IDS: variants seen among roughly 807,000 people sequenced by gnomAD.
IDS encodes alpha-L-iduronate sulfate sulfatase.
IDS carries 1 observed loss-of-function variant against 33.5 expected under a neutral mutation model. The ratio of observed to expected loss-of-function variants is 0.03; its 90% CI spans 0.01 to 0.14. The LOEUF is 0.14. Ranked by LOEUF, IDS falls within the 10% of genes least tolerant of loss-of-function variation. IDS has a pLI of 1.00. For synonymous variants in IDS, 191 were observed against 184.4 expected (o/e 1.04, Z -0.29); for missense variants, 328 against 448.0 (o/e 0.73, Z 2.42).
rs1283525730 is a variant in IDS at position 149,478,479 on chromosome X, A to G, written c.*4267T>C. ...TACAGCTGTTAATCAAGAACTGTCA[A>G]TGACATAAAAAACCAAGCTAACATT... is the stretch of plus-strand genomic sequence containing the variant. On this transcript the variant is annotated 3_prime_UTR_variant, in exon 9 of 9. Coordinates refer to ENST00000340855, the MANE Select transcript of IDS (RefSeq NM_000202.8). 8.9e-6 allele frequency: 1 copy of G among 112,846 alleles called. No individual in the cohort carries two copies. The highest frequency in any genetic ancestry group is 9.3e-5 in the Admixed American group (1 of 10,729). The allele number at this position is 112,846 out of a possible 1,213,427, so 9.3% of individuals were successfully genotyped here. A position where few individuals can be genotyped will look rare whatever the true frequency, so the allele number is the denominator to read the frequency against.
At chrX:149,502,131 A>T (rs1370523267) in intron 3 of IDS, 1 of 329,215 alleles carries the variant, frequency 3.0e-6, no homozygotes, top group African/African-American at 2.6e-5. Flanking sequence ...TAACAGAAAA[A>T]GGTCTTGAGA....
intron 6 of IDS, among the ~76,000 whole-genome samples, chrX:149,494,186 C>T (rs1398074836): frequency 7.2e-5 from 8 of 111,190 alleles, no homozygotes; most frequent in African/African-American, 2.6e-4. Flanking sequence ...GAGTGTCTGA[C>T]GATAAAGGTA....
intron 1 of IDS, 70 bp downstream of exon 1, chrX:149,504,965 G>GGAAAGAA: frequency 1.3e-6 from 1 of 790,114 alleles, no homozygotes; most frequent in Non-Finnish European, 1.9e-6. Context: ...AAAGAAGGAA[G>GGAAAGAA]GAAAGAAGGA....
In IDS at chrX:149,484,530, C is replaced by G. The variant is rs782275146; in HGVS notation, c.1181-1312G>C. Among the ~76,000 whole-genome samples the G allele has an allele frequency of 3.6e-5, 4 of 112,585 alleles. No homozygotes were observed. The South Asian group carries it at 1.5e-3, about 41-fold the overall frequency. On this transcript the variant is annotated intron_variant, in intron 8 of 8. Transcript: ENST00000340855. Reference sequence around the variant, plus strand: ...AGAGATGGGGTTTCTCCTTGTTGGCCAGGATGGTCTTGATCTCCTGACCTC... The same window carrying G: ...AGAGATGGGGTTTCTCCTTGTTGGCGAGGATGGTCTTGATCTCCTGACCTC...
intron 4 of IDS, 87 bp downstream of exon 4, chrX:149,500,862 C>T: frequency 1.6e-6 from 1 of 618,357 alleles, no homozygotes; most frequent in East Asian, 3.2e-5. Flanking sequence ...ATATAACCAG[C>T]TTCACAGAAC....
At chrX:149,489,327 G>A (rs2089368897) in intron 7 of IDS, among the ~76,000 whole-genome samples, 1 of 112,345 alleles carries the variant, frequency 8.9e-6, no homozygotes. Context: ...CACAGAACAA[G>A]CAATCACATC....
chrX:149,500,895 T>C lies in IDS; in HGVS notation c.507+54A>G, dbSNP rs1448670292. ...AACATGCAGTATACCCAGTAGTTTATGTGACAAAGGAAAAAGTGGTTCCTC... is the reference window on the plus strand; with the variant it reads ...AACATGCAGTATACCCAGTAGTTTACGTGACAAAGGAAAAAGTGGTTCCTC... On this transcript the variant is annotated intron_variant, in intron 4 of 8. Coordinates refer to ENST00000340855, the MANE Select transcript of IDS (RefSeq NM_000202.8). 6 of 757,629 alleles carry C rather than the reference T, an allele frequency of 7.9e-6. No individual in the cohort carries two copies. The African/African-American group carries it at 8.2e-5, about 10-fold the overall frequency. 62.4% of individuals were successfully genotyped at this position (757,629 alleles called of 1,213,427 possible). A position where few individuals can be genotyped will look rare whatever the true frequency, so the allele number is the denominator to read the frequency against.
At chrX:149,484,367 A>G (rs782062518) in intron 8 of IDS, among the ~76,000 whole-genome samples, 1 of 112,306 alleles carries the variant, frequency 8.9e-6, no homozygotes, top group South Asian at 3.7e-4. Flanking sequence ...TCCAGGATGG[A>G]GTTCAGTGGC....
At chrX:149,491,064 G>A (rs144578042) in intron 6 of IDS, among the ~76,000 whole-genome samples, 30 of 112,011 alleles carry the variant, frequency 2.7e-4, no homozygotes, top group African/African-American at 8.1e-4. Flanking sequence ...AGCAGTACTG[G>A]GGGGTTAGGA....
Position 149,486,863 on chromosome X carries a change from G to A in IDS, c.1180+62C>T. The A allele has an allele frequency of 2.7e-6, 3 of 1,115,823 alleles. No homozygotes were observed. The South Asian group carries it at 5.5e-5, about 20-fold the overall frequency. 92.0% of individuals were successfully genotyped at this position (1,115,823 alleles called of 1,213,427 possible). A position where few individuals can be genotyped will look rare whatever the true frequency, so the allele number is the denominator to read the frequency against. On this transcript the variant is annotated intron_variant, in intron 8 of 8. Coordinates refer to ENST00000340855, the MANE Select transcript of IDS (RefSeq NM_000202.8). ...CCAAAGCCTATGATTCAATAAAGTG[G>A]TTCACATATAAACTAAAGGTGATCT...
intron 6 of IDS, 94 bp downstream of exon 6, chrX:149,496,252 T>G: frequency 9.6e-6 from 8 of 833,486 alleles, no homozygotes; most frequent in Non-Finnish European, 1.1e-5. Flanking sequence ...TAATAAGACA[T>G]TATAGGTGGA....
In IDS at chrX:149,505,071, C is replaced by T. The variant is rs782815584; in HGVS notation, c.67G>A (p.Ala23Thr). The change falls in exon 1 of 9, where the codon GCC becomes ACC. Residue 23 changes from alanine (A) to threonine (T), a missense_variant. By Grantham distance (58) the Ala-to-Thr change is moderately conservative. Around this residue, in one of 4 missense-constraint regions of IDS, gnomAD observed 45 missense variants for 33.6 expected, o/e 1.34. Transcript: ENST00000340855. The part of the protein sequence containing the change: ...LGLVLSSVCV[A>T]LGSETQANST... The stretch of plus-strand genomic sequence containing the variant: ...TTGGCCTGCGTTTCGGATCCGAGGG[C>T]GACGCAGACGGAGCTCAGAACCAGA... 1.7e-6 allele frequency: 2 copies of T among 1,208,445 alleles called. No homozygotes were observed. Among genetic ancestry groups the T allele is most frequent in the Non-Finnish European group, 2.2e-6 (2 of 893,117 alleles).
intron 6 of IDS, 122 bp downstream of exon 6, chrX:149,496,224 T>G (rs1377489101): frequency 8.5e-6 from 6 of 702,997 alleles, no homozygotes; most frequent in African/African-American, 8.4e-5. Context: ...GCCTGATAAC[T>G]CACACAAAGA....
intron 2 of IDS, 54 bp from the exon 3 acceptor site, chrX:149,503,543 A>G (rs1210007845): frequency 4.0e-5 from 42 of 1,053,907 alleles, no homozygotes; most frequent in Non-Finnish European, 5.1e-5. Flanking sequence ...CATGTCTGCC[A>G]TCTCTTAGGT....
At chrX:149,485,684 G>A (rs1341759421) in intron 8 of IDS, among the ~76,000 whole-genome samples, 1 of 111,949 alleles carries the variant, frequency 8.9e-6, no homozygotes, top group Non-Finnish European at 1.9e-5. Flanking sequence ...CTGAAAGGCC[G>A]TGCAGTTACA....
rs1201957284 is a variant in IDS at position 149,477,131 on chromosome X, G to C, written c.*5615C>G. 1.8e-5 allele frequency: 2 copies of C among 112,402 alleles called. No individual in the cohort carries two copies. The highest frequency in any genetic ancestry group is 3.8e-5 in the Non-Finnish European group (2 of 53,266). 9.3% of individuals were successfully genotyped at this position (112,402 alleles called of 1,213,427 possible). The stretch of plus-strand genomic sequence containing the variant: ...ACTGAATAAAAATCACCTGCAAAAG[G>C]TTCTTTCAGAAACACACCCAAAACT... On this transcript the variant is annotated 3_prime_UTR_variant, in exon 9 of 9. Coordinates refer to ENST00000340855, the MANE Select transcript of IDS (RefSeq NM_000202.8).
At chrX:149,487,305 T>C (rs782689347) in intron 7 of IDS, 2 of 1,193,282 alleles carry the variant, frequency 1.7e-6, no homozygotes, top group Non-Finnish European at 2.3e-6. Context: ...TTTGTCCTCA[T>C]GAGGAAACCT....
chrX:149,492,013 C>T (rs1458428230), intron 6 of IDS, among the ~76,000 whole-genome samples: 1 of 112,347 alleles, frequency 8.9e-6, no homozygotes, highest in African/African-American at 3.2e-5. Flanking sequence ...TGCCAAAAAC[C>T]TAGAGCCAAC....
chrX:149,502,769 G>C (rs1475190827), intron 3 of IDS: 1 of 153,001 alleles, frequency 6.5e-6, no homozygotes, highest in Non-Finnish European at 1.3e-5. Context: ...TTATCAGGCA[G>C]CATTTGAGGT....
Sources: allele counts gnomAD v4.1 joint callset (sites outside exome capture counted in the v4.1 genomes callset), GRCh38; gene constraint gnomAD v4.1.1; regional missense constraint gnomAD v4.1.1; transcripts MANE v1.5; gene names NCBI Gene and HGNC (gene_info 2026-07-23, HGNC 2026-07-21).